The following BRINP3 variants were observed in gnomAD, a reference collection of about 807,000 sequenced individuals.
The protein encoded by BRINP3 is BMP/retinoic acid inducible neural specific 3, also known as BMP/retinoic acid-inducible neural-specific protein 3.
Under a neutral mutation model 71.0 loss-of-function variants are expected in BRINP3, and 19 were observed. The ratio of observed to expected loss-of-function variants is 0.27; its 90% CI spans 0.19 to 0.39. BRINP3 has a LOEUF of 0.39. BRINP3 is among the 10% of genes least tolerant of loss of function. The probability of loss-of-function intolerance (pLI) is 1.00; values close to 1 mark genes in which losing one functional copy is unlikely to be tolerated. For synonymous variants in BRINP3, 380 were observed against 337.7 expected, an observed-to-expected ratio of 1.13 and a Z score of -1.37; for missense variants, 959 against 940.8, an observed-to-expected ratio of 1.02 and a Z score of -0.25.
At chr1:190,336,981 A>T (rs1292481431) in intron 2 of BRINP3, among the ~76,000 whole-genome samples, 1 of 151,844 alleles carries the variant, frequency 6.6e-6, no homozygotes, top group East Asian at 1.9e-4. Context: ...TTTAGAATGT[A>T]ATGAATATCA....
intron 2 of BRINP3, among the ~76,000 whole-genome samples, chr1:190,309,803 CTAATT>C (rs892743666): frequency 6.6e-6 from 1 of 151,722 alleles, no homozygotes; most frequent in African/African-American, 2.4e-5. Context: ...GTACACCACT[CTAATT>C]TATAATTTGC....
chr1:190,364,340 G>A (rs890034350), intron 2 of BRINP3, among the ~76,000 whole-genome samples: 24 of 152,156 alleles, frequency 1.6e-4, no homozygotes, highest in African/African-American at 5.5e-4. Flanking sequence ...ACTTGAATGT[G>A]TGGTCTTATC....
In BRINP3 at chr1:190,359,656, G is replaced by A. The variant is rs530018070; in HGVS notation, c.237-77906C>T. 3.5e-4 allele frequency among the ~76,000 whole-genome samples: 54 copies of A among 152,130 alleles called. No homozygotes were observed. In the South Asian group the frequency reaches 0.011, roughly 30 times the overall value. On this transcript the variant is annotated intron_variant, in intron 2 of 7. Transcript: ENST00000367462. ...ATCTCTGAACCTCAAACCTGTGGGA[G>A]CTTGGCCATACCTCTTGCATACTGT... is the stretch of plus-strand genomic sequence containing the variant.
intron 4 of BRINP3, among the ~76,000 whole-genome samples, chr1:190,259,433 C>T (rs1161555388): frequency 2.0e-5 from 3 of 151,208 alleles, no homozygotes; most frequent in African/African-American, 7.3e-5. Context: ...AAAATCAACA[C>T]ATTTTCATGT....
intron 2 of BRINP3, among the ~76,000 whole-genome samples, chr1:190,390,379 T>C (rs543225950): frequency 6.6e-6 from 1 of 151,774 alleles, no homozygotes; most frequent in South Asian, 2.1e-4. Flanking sequence ...GACATGACCA[T>C]GGTGTGAATG....
At chr1:190,243,035 A>G (rs527769813) in intron 4 of BRINP3, among the ~76,000 whole-genome samples, 1 of 152,216 alleles carries the variant, frequency 6.6e-6, no homozygotes, top group African/African-American at 2.4e-5. Context: ...ACACAAGCAC[A>G]CCACCCTCAA....
intron 6 of BRINP3, among the ~76,000 whole-genome samples, chr1:190,174,773 A>T (rs1416151963): frequency 1.4e-5 from 2 of 147,990 alleles, no homozygotes; most frequent in African/African-American, 5.1e-5. Context: ...ATCATATGTT[A>T]GTTCATATTT....
intron 6 of BRINP3, among the ~76,000 whole-genome samples, chr1:190,163,058 T>C (rs1018677364): frequency 2.0e-5 from 3 of 152,114 alleles, no homozygotes; most frequent in Non-Finnish European, 4.4e-5. Flanking sequence ...TCACTCTACT[T>C]AGAAGACCCC....
At chr1:190,388,285 CAAT>C (rs1671040344) in intron 2 of BRINP3, among the ~76,000 whole-genome samples, 1 of 151,774 alleles carries the variant, frequency 6.6e-6, no homozygotes, top group Non-Finnish European at 1.5e-5. Flanking sequence ...ATCTGTTAAT[CAAT>C]AATATTTTTG....
chr1:190,309,447 T>G (rs1665363285), intron 2 of BRINP3, among the ~76,000 whole-genome samples: 1 of 151,904 alleles, frequency 6.6e-6, no homozygotes, highest in African/African-American at 2.4e-5. Context: ...GATGATAAAT[T>G]TTATGATACG....
At chr1:190,144,585 TAA>T (rs1381251678) in intron 7 of BRINP3, among the ~76,000 whole-genome samples, 1 of 152,194 alleles carries the variant, frequency 6.6e-6, no homozygotes, top group Non-Finnish European at 1.5e-5. Flanking sequence ...TAATTTTTGT[TAA>T]AGTTACATCA....
intron 2 of BRINP3, among the ~76,000 whole-genome samples, chr1:190,304,475 T>C (rs1390794459): frequency 2.6e-5 from 4 of 151,790 alleles, no homozygotes; most frequent in Non-Finnish European, 5.9e-5. Context: ...AATAAATCCA[T>C]GTAGTTATAG....
chr1:190,256,624 C>T (rs988726471), intron 4 of BRINP3, among the ~76,000 whole-genome samples: 24 of 152,198 alleles, frequency 1.6e-4, no homozygotes, highest in East Asian at 5.8e-4. Context: ...TGGCTGGTAC[C>T]GGTTGTTCCA....
intron 7 of BRINP3, among the ~76,000 whole-genome samples, chr1:190,152,622 G>A (rs1656513053): frequency 7.1e-6 from 1 of 140,334 alleles, no homozygotes; most frequent in East Asian, 2.2e-4. Flanking sequence ...CTATTGGGTT[G>A]AGTCTGGACA....
intron 5 of BRINP3, 67 bp from the exon 6 acceptor site, chr1:190,226,385 T>C: frequency 1.2e-6 from 1 of 849,026 alleles, no homozygotes; most frequent in South Asian, 2.2e-5. Flanking sequence ...TACTTATTTA[T>C]AATATTCAAT....
chr1:190,130,726 A>G (rs2102350149), intron 7 of BRINP3, among the ~76,000 whole-genome samples: 1 of 152,152 alleles, frequency 6.6e-6, no homozygotes, highest in East Asian at 1.9e-4. Context: ...ATCCAGGTAT[A>G]GCCACGTGAC....
intron 7 of BRINP3, among the ~76,000 whole-genome samples, chr1:190,144,556 C>A (rs1558005433): frequency 6.6e-6 from 1 of 151,974 alleles, no homozygotes; most frequent in Non-Finnish European, 1.5e-5. Context: ...GTATATTCAT[C>A]TTTTTTTCCA....
intron 4 of BRINP3, among the ~76,000 whole-genome samples, chr1:190,249,527 T>C (rs1477414422): frequency 6.6e-6 from 1 of 151,912 alleles, no homozygotes; most frequent in Non-Finnish European, 1.5e-5. Context: ...ATTTCTGTTA[T>C]AAGCATCAAG....
chr1:190,449,018 A>G (rs1675425871), intron 2 of BRINP3, among the ~76,000 whole-genome samples: 1 of 151,972 alleles, frequency 6.6e-6, no homozygotes, highest in African/African-American at 2.4e-5. Context: ...TTTTACTCAA[A>G]TTCAGATCTC....
Sources: gnomAD v4.1 joint callset for allele counts (sites outside exome capture counted in the v4.1 genomes callset) on GRCh38, gnomAD v4.1.1 for gene constraint, MANE v1.5 for transcripts, NCBI Gene and HGNC (gene_info 2026-07-23, HGNC 2026-07-21) for gene names.